STAU1: variants seen among roughly 807,000 people sequenced by gnomAD.
STAU1 encodes staufen double-stranded RNA binding protein 1, also known as double-stranded RNA-binding protein Staufen homolog 1.
Under a neutral mutation model 62.9 loss-of-function variants are expected in STAU1, and 13 were observed. That is an observed-to-expected ratio of 0.21 (90% confidence interval 0.13 to 0.33). The LOEUF is 0.33. Among genes scored for constraint, STAU1 ranks in the 10% least tolerant of loss-of-function variants. The pLI is 1.00. For missense variants in STAU1, 571 were observed against 712.1 expected, an observed-to-expected ratio of 0.80 and a Z score of 2.25; for synonymous variants, 269 against 265.1, an observed-to-expected ratio of 1.01 and a Z score of -0.14.
the STAU1 span, among the ~76,000 whole-genome samples, chr20:49,193,714 A>T: frequency 1.3e-5 from 2 of 152,138 alleles, no homozygotes; most frequent in African/African-American, 4.8e-5. Context: ...ACGCCCTGTA[A>T]TCCCAGCACT....
At chr20:49,207,259 G>A in the STAU1 span, among the ~76,000 whole-genome samples, 4 of 151,814 alleles carry the variant, frequency 2.6e-5, no homozygotes, top group African/African-American at 4.8e-5. Flanking sequence ...CCTGGGATAG[G>A]AATAGCCCCT....
chr20:49,212,614 A>AATTTTTTTTTTTTTTTTTTT, the STAU1 span, among the ~76,000 whole-genome samples: 2 of 5,770 alleles, frequency 3.5e-4, no homozygotes, highest in Non-Finnish European at 5.8e-4. Flanking sequence ...AAGCTATTGG[A>AATTTTTTTTTTTTTTTTTTT]ATTTTTTTTT....
chr20:49,136,792 G>A (rs1029288293), intron 5 of STAU1, among the ~76,000 whole-genome samples: 10 of 152,108 alleles, frequency 6.6e-5, no homozygotes, highest in Admixed American at 6.5e-4. Context: ...CCACCTCCCA[G>A]GTTCAAGCGA....
At chr20:49,203,127 A>G in the STAU1 span, among the ~76,000 whole-genome samples, 2 of 152,076 alleles carry the variant, frequency 1.3e-5, no homozygotes, top group African/African-American at 4.8e-5. Flanking sequence ...AAAAGACAAG[A>G]GTACATATCA....
At chr20:49,167,972 T>A (rs2093549377) in intron 2 of STAU1, among the ~76,000 whole-genome samples, 1 of 152,180 alleles carries the variant, frequency 6.6e-6, no homozygotes, top group South Asian at 2.1e-4. Context: ...TCTTAGAGTT[T>A]AAGACTCTGA....
At chr20:49,137,851 T>TTTG (rs1480327452) in intron 5 of STAU1, among the ~76,000 whole-genome samples, 13 of 148,248 alleles carry the variant, frequency 8.8e-5, no homozygotes, top group Admixed American at 1.3e-4. Flanking sequence ...TTTTTTTTTT[T>TTTG]GTATCTTTAG....
At chr20:49,201,403 A>G in the STAU1 span, among the ~76,000 whole-genome samples, 1 of 152,180 alleles carries the variant, frequency 6.6e-6, no homozygotes, top group East Asian at 1.9e-4. Context: ...AAAGAACTGC[A>G]CATTGACACT....
At chr20:49,203,755 C>T in the STAU1 span, among the ~76,000 whole-genome samples, 2 of 152,178 alleles carry the variant, frequency 1.3e-5, no homozygotes, top group Non-Finnish European at 2.9e-5. Flanking sequence ...GGCACAATCT[C>T]GGCTTACTGC....
the STAU1 span, among the ~76,000 whole-genome samples, chr20:49,199,324 G>A: frequency 1.3e-5 from 2 of 148,880 alleles, no homozygotes; most frequent in African/African-American, 4.9e-5. Context: ...TCCACCTCCT[G>A]GGTTGAAGTG....
intron 5 of STAU1, among the ~76,000 whole-genome samples, chr20:49,145,073 A>G (rs1203072155): frequency 2.6e-5 from 4 of 152,192 alleles, no homozygotes; most frequent in Non-Finnish European, 5.9e-5. Flanking sequence ...TAATACCTCT[A>G]AAAAAGAATA....
the STAU1 span, among the ~76,000 whole-genome samples, chr20:49,196,120 T>C: frequency 2.5e-5 from 3 of 119,002 alleles, no homozygotes; most frequent in East Asian, 7.0e-4. Flanking sequence ...CAAGACTCCA[T>C]CTAAAAAAAA....
chr20:49,196,343 G>A, the STAU1 span, among the ~76,000 whole-genome samples: 2 of 151,264 alleles, frequency 1.3e-5, no homozygotes, highest in African/African-American at 2.4e-5. Flanking sequence ...GGCTGAGGCC[G>A]GAGAATGGCG....
In STAU1 at chr20:49,119,247, T is replaced by C. The variant is rs531958746; in HGVS notation, c.1113+735A>G. On this transcript the variant is annotated intron_variant, in intron 9 of 13. Transcript: ENST00000371856. The stretch of plus-strand genomic sequence containing the variant: ...GTCGCCCAGGCTGAGTGCAGTGGCA[T>C]GATCACAGCTCACTGCAGCCTTGAC... 2.2e-4 allele frequency among the ~76,000 whole-genome samples: 33 copies of C among 152,306 alleles called. 1 individual carries two copies. The South Asian group carries it at 6.8e-3, about 32-fold the overall frequency.
At chr20:49,115,940 G>A in intron 12 of STAU1, 73 bp from the exon 13 acceptor site, 1 of 1,323,430 alleles carries the variant, frequency 7.6e-7, no homozygotes, top group Non-Finnish European at 1.1e-6. Context: ...TGGTCAGGCA[G>A]GCAAGAGAGT....
chr20:49,156,512 G>C (rs2093359645), intron 3 of STAU1, among the ~76,000 whole-genome samples: 1 of 152,108 alleles, frequency 6.6e-6, no homozygotes, highest in Admixed American at 6.5e-5. Flanking sequence ...CCATGCATAA[G>C]ACCTGGATTC....
At chr20:49,120,167 C>A in intron 8 of STAU1, 39 bp from the exon 9 acceptor site, 1 of 1,575,926 alleles carries the variant, frequency 6.3e-7, no homozygotes. Context: ...GTGCTTAAAC[C>A]TTCAGAATAA....
intron 5 of STAU1, among the ~76,000 whole-genome samples, chr20:49,140,244 A>T (rs2092979964): frequency 6.6e-6 from 1 of 152,146 alleles, no homozygotes; most frequent in Admixed American, 6.6e-5. Flanking sequence ...TATGGAAAAC[A>T]GCTTGGTAGT....
At chr20:49,161,703 A>G (rs942530512) in intron 3 of STAU1, among the ~76,000 whole-genome samples, 1 of 152,218 alleles carries the variant, frequency 6.6e-6, no homozygotes, top group Non-Finnish European at 1.5e-5. Context: ...AAACGTTAAG[A>G]GCACTGAAGT....
intron 6 of STAU1, among the ~76,000 whole-genome samples, chr20:49,132,152 TAAAG>T (rs1244131872): frequency 1.3e-5 from 2 of 152,022 alleles, no homozygotes; most frequent in African/African-American, 4.8e-5. Flanking sequence ...GGACTGATTT[TAAAG>T]AACTCCCATA....
Sources: allele counts gnomAD v4.1 joint callset (sites outside exome capture counted in the v4.1 genomes callset), GRCh38; gene constraint gnomAD v4.1.1; transcripts MANE v1.5; gene names NCBI Gene and HGNC (gene_info 2026-07-23, HGNC 2026-07-21).